DGKI: variants seen among roughly 807,000 people sequenced by gnomAD.
DGKI encodes DAG kinase iota.
Under a neutral mutation model 147.5 loss-of-function variants are expected in DGKI, and 55 were observed. That is an observed-to-expected ratio of 0.37 (90% CI 0.30 to 0.47). The LOEUF (loss-of-function observed/expected upper bound fraction) is 0.47. Ranked by LOEUF, DGKI falls within the 20% of genes least tolerant of loss-of-function variation. The probability of loss-of-function intolerance (pLI) is 1.00; values close to 1 mark genes in which losing one functional copy is unlikely to be tolerated. For missense variants in DGKI, 1,007 were observed against 1,323.8 expected, an observed-to-expected ratio of 0.76 and a Z score of 3.71; for synonymous variants, 469 against 477.1, an observed-to-expected ratio of 0.98 and a Z score of 0.22.
At chr7:137,551,765 T>C (rs1473203113) in intron 20 of DGKI, among the ~76,000 whole-genome samples, 1 of 152,168 alleles carries the variant, frequency 6.6e-6, no homozygotes, top group Non-Finnish European at 1.5e-5. Context: ...ATACCATGTG[T>C]TCAGGGGTAG....
At chr7:137,547,775 A>G (rs796274622) in intron 20 of DGKI, among the ~76,000 whole-genome samples, 4 of 152,360 alleles carry the variant, frequency 2.6e-5, no homozygotes, top group African/African-American at 9.6e-5. Context: ...TGTAATGGAA[A>G]TAACCAAGAG....
intron 1 of DGKI, among the ~76,000 whole-genome samples, chr7:137,837,129 T>C (rs1798407335): frequency 6.6e-6 from 1 of 152,236 alleles, no homozygotes; most frequent in Non-Finnish European, 1.5e-5. Context: ...ACTCTAAGCC[T>C]CAATGTCCTT....
intron 8 of DGKI, among the ~76,000 whole-genome samples, chr7:137,614,441 T>C (rs1820464044): frequency 6.6e-6 from 1 of 152,180 alleles, no homozygotes; most frequent in African/African-American, 2.4e-5. Flanking sequence ...CATCTTTAAC[T>C]TGCCTGTCCA....
chr7:137,839,360 A>T (rs1798483384), intron 1 of DGKI, among the ~76,000 whole-genome samples: 1 of 152,246 alleles, frequency 6.6e-6, no homozygotes, highest in South Asian at 2.1e-4. Flanking sequence ...TTTTCATATT[A>T]CCTGAATAAT....
At chr7:137,625,181 T>C (rs1356425773) in intron 6 of DGKI, among the ~76,000 whole-genome samples, 1 of 151,982 alleles carries the variant, frequency 6.6e-6, no homozygotes, top group African/African-American at 2.4e-5. Context: ...TGCTTGCAGC[T>C]GGGTGTGGTG....
intron 1 of DGKI, among the ~76,000 whole-genome samples, chr7:137,804,525 T>C (rs1770797583): frequency 6.6e-6 from 1 of 152,182 alleles, no homozygotes; most frequent in African/African-American, 2.4e-5. Flanking sequence ...AAAAATTATC[T>C]GTAAGAACAA....
At chr7:137,452,523 C>A (rs1382784780) in intron 27 of DGKI, among the ~76,000 whole-genome samples, 1 of 152,218 alleles carries the variant, frequency 6.6e-6, no homozygotes, top group African/African-American at 2.4e-5. Flanking sequence ...GGGAACAAAG[C>A]AGCACACGTA....
At chr7:137,806,430 C>A (rs1797365347) in intron 1 of DGKI, among the ~76,000 whole-genome samples, 1 of 151,912 alleles carries the variant, frequency 6.6e-6, no homozygotes, top group Non-Finnish European at 1.5e-5. Flanking sequence ...AGAAACTGAA[C>A]CTTTGCTTCT....
intron 29 of DGKI, among the ~76,000 whole-genome samples, 169 bp downstream of exon 29, chr7:137,412,001 T>G (rs963912933): frequency 2.0e-5 from 3 of 152,174 alleles, no homozygotes; most frequent in Non-Finnish European, 2.9e-5. Flanking sequence ...CCCGGTGCTC[T>G]TGAACACCAT....
At position 137,498,318 on chromosome 7, in the gene DGKI, G is replaced by A. The variant is rs74657967; in HGVS notation, c.2249-10629C>T. Reference sequence around the variant, plus strand: ...CCTAGTCCAGGAGGTCCCAATAAGAGGAGTTTCAAAAAACATCCCCATAAT... The same window carrying A: ...CCTAGTCCAGGAGGTCCCAATAAGAAGAGTTTCAAAAAACATCCCCATAAT... On this transcript the variant is annotated intron_variant, in intron 21 of 32. Transcript: ENST00000614521. Among the ~76,000 whole-genome samples, 148 of 151,376 alleles carry A rather than the reference G, an allele frequency of 9.8e-4. 1 individual carries two copies. Among genetic ancestry groups the A allele is most frequent in the African/African-American group, 3.5e-3 (143 of 41,354 alleles).
At chr7:137,454,057 T>C (rs1478847037) in intron 27 of DGKI, among the ~76,000 whole-genome samples, 1 of 152,162 alleles carries the variant, frequency 6.6e-6, no homozygotes, top group Non-Finnish European at 1.5e-5. Context: ...AAGAGATCCA[T>C]TGTACAACAT....
At chr7:137,627,621 TA>T (rs776129318) in intron 6 of DGKI, among the ~76,000 whole-genome samples, 16 of 152,148 alleles carry the variant, frequency 1.1e-4, no homozygotes, top group Non-Finnish European at 2.2e-4. Context: ...TCCACAATAT[TA>T]AAATGCGGCA....
chr7:137,729,855 G>T (rs1329000510), intron 1 of DGKI, among the ~76,000 whole-genome samples: 2 of 151,966 alleles, frequency 1.3e-5, no homozygotes, highest in Non-Finnish European at 2.9e-5. Flanking sequence ...CTCCTTAATG[G>T]TTCCATGTTC....
intron 8 of DGKI, among the ~76,000 whole-genome samples, chr7:137,615,531 A>ATGTGTGTGTGTGTGTGTGTGTG (rs5887846): frequency 7.4e-6 from 1 of 135,760 alleles, no homozygotes; most frequent in South Asian, 2.4e-4. Context: ...ATATGTATGT[A>ATGTGTGTGTGTGTGTGTGTGTG]TGTGTGTGTG....
At chr7:137,531,343 C>A (rs895055590) in intron 20 of DGKI, among the ~76,000 whole-genome samples, 1 of 152,128 alleles carries the variant, frequency 6.6e-6, no homozygotes. Flanking sequence ...TGAAGGTTTC[C>A]TTGTTATTAA....
chr7:137,724,059 A>G (rs1384126978), intron 1 of DGKI, among the ~76,000 whole-genome samples: 2 of 141,172 alleles, frequency 1.4e-5, no homozygotes, highest in Admixed American at 6.9e-5. Context: ...AGACCCCTAC[A>G]TTAGGTAAGA....
chr7:137,584,433 A>G (rs1414007306), intron 14 of DGKI, among the ~76,000 whole-genome samples: 1 of 152,226 alleles, frequency 6.6e-6, no homozygotes, highest in East Asian at 1.9e-4. Flanking sequence ...ACTAATTACA[A>G]CTATTCATAT....
In DGKI at chr7:137,487,743, T is replaced by A. The variant is rs1256318335; in HGVS notation, c.2249-54A>T. On this transcript the variant is annotated intron_variant, in intron 21 of 32. Transcript: ENST00000614521. ...AAATAACATATTTGATTTTTCTATA[T>A]CAGCATAAATGTGTTTCTCGTGGTT... The A allele has an allele frequency of 8.7e-6, 13 of 1,498,062 alleles. No homozygotes were observed. The East Asian group carries it at 2.9e-4, about 34-fold the overall frequency. The allele number at this position is 1,498,062 out of a possible 1,614,324, so 92.8% of individuals were successfully genotyped here. A position where few individuals can be genotyped will look rare whatever the true frequency, so the allele number is the denominator to read the frequency against.
intron 28 of DGKI, among the ~76,000 whole-genome samples, chr7:137,436,827 A>T (rs575006854): frequency 9.3e-5 from 14 of 150,480 alleles, no homozygotes; most frequent in Non-Finnish European, 1.8e-4. Flanking sequence ...CTTCTCATAA[A>T]TACGATATTG....
Sources: gnomAD v4.1 joint callset for allele counts (sites outside exome capture counted in the v4.1 genomes callset) on GRCh38, gnomAD v4.1.1 for gene constraint, MANE v1.5 for transcripts, NCBI Gene and HGNC (gene_info 2026-07-23, HGNC 2026-07-21) for gene names.